The following SEC16B variants were observed in gnomAD, a reference collection of about 807,000 sequenced individuals.
SEC16B encodes protein transport protein Sec16B.
Under a neutral mutation model 141.8 loss-of-function variants are expected in SEC16B, and 115 were observed. The observed-to-expected ratio is 0.81, with a 90% CI of 0.70 to 0.95. SEC16B has a LOEUF of 0.95. Among genes scored for constraint, SEC16B ranks in the 40% least tolerant of loss-of-function variants. SEC16B has a pLI of 0.00. For synonymous variants in SEC16B, 493 were observed against 492.5 expected (o/e 1.00, Z -0.01); for missense variants, 1,291 against 1,312.3 (o/e 0.98, Z 0.25).
At chr1:177,937,565 C>T (rs1650949207) in intron 18 of SEC16B, 52 bp from the exon 19 acceptor site, 1 of 1,387,110 alleles carries the variant, frequency 7.2e-7, no homozygotes, top group East Asian at 2.5e-5. Context: ...GCGGCATTTG[C>T]ATACTGATCA....
At chr1:177,956,665 T>G (rs908120861) in intron 10 of SEC16B, among the ~76,000 whole-genome samples, 1 of 152,182 alleles carries the variant, frequency 6.6e-6, no homozygotes, top group African/African-American at 2.4e-5. Context: ...AAGCTAGAAA[T>G]CAATCTTCAT....
rs762159651 is a variant in SEC16B, at chr1:177,958,205, A to T, written c.1292T>A (p.Ile431Asn). ...SGTPNLLTGE[I>N]PPSVETPAQI... is the part of the protein sequence containing the mutation. ...CGCAGGTGTCTCCACACTGGGGGGG[A>T]TCTCTCCCGTGAGCAGGTTCGGGGT... The change falls in exon 10 of 26, where the codon ATC (isoleucine) becomes AAC (asparagine). Residue 431 changes from isoleucine (I) to asparagine (N), a missense_variant. Physicochemically the swap from Ile to Asn is moderately radical, Grantham distance 149. Around this residue, in one of 3 missense-constraint regions of SEC16B, gnomAD observed 681 missense variants for 675.5 expected, o/e 1.01. Transcript: ENST00000308284. The T allele has an allele frequency of 3.1e-6, 5 of 1,596,738 alleles. No individual in the cohort carries two copies. In the East Asian group the frequency reaches 1.1e-4, roughly 36 times the overall value.
chr1:177,973,916 G>A (rs1231395853), upstream of SEC16B, among the ~76,000 whole-genome samples: 2 of 152,078 alleles, frequency 1.3e-5, no homozygotes, highest in Non-Finnish European at 2.9e-5. Flanking sequence ...GCTGTTCAAG[G>A]CTATTCCATA....
intron 15 of SEC16B, among the ~76,000 whole-genome samples, chr1:177,942,776 A>G (rs1008008096): frequency 5.3e-5 from 8 of 152,142 alleles, no homozygotes; most frequent in Admixed American, 6.5e-5. Context: ...GCAGGGCAGG[A>G]TCAAGTGTGA....
In SEC16B at chr1:177,958,152, G is replaced by A. The variant is rs1162133932; in HGVS notation, c.1345C>T (p.Leu449Phe). The A allele has an allele frequency of 1.3e-6, 2 of 1,534,740 alleles. No homozygotes were observed. Among genetic ancestry groups the A allele is most frequent in the Non-Finnish European group, 1.8e-6 (2 of 1,136,816 alleles). The change falls in exon 10 of 26, where the codon CTC becomes TTC. Residue 449 changes from leucine (L) to phenylalanine (F), a missense_variant. By Grantham distance (22) the Leu-to-Phe change is conservative. Coordinates refer to ENST00000308284, the MANE Select transcript of SEC16B (RefSeq NM_033127.4). ...CTTGCCTTCTTCCTTCCATAGTAGA[G>A]CAGCCTAGTGAATTTCTCCACGATC... ...AQIVEKFTRL[L>F]YYGRKKEALE...
At chr1:177,957,569 A>G (rs1192957959) in intron 10 of SEC16B, among the ~76,000 whole-genome samples, 4 of 152,144 alleles carry the variant, frequency 2.6e-5, no homozygotes, top group African/African-American at 9.7e-5. Flanking sequence ...AAAAAATATG[A>G]GATATTTTGG....
rs1245781335 is a variant in SEC16B, at chr1:177,930,659, A to G, written c.3013-16T>C. The G allele has an allele frequency of 6.3e-7, 1 of 1,597,676 alleles. No homozygotes were observed. Among genetic ancestry groups the G allele is most frequent in the Non-Finnish European group, 8.6e-7 (1 of 1,166,234 alleles). On this transcript the variant is annotated splice_polypyrimidine_tract_variant and intron_variant, in intron 24 of 25. Transcript: ENST00000308284. ...AGGAAACACTCTGTGATGGAAAAGC[A>G]TGGAAAATCCCATCAGTGCCTGCCT...
At chr1:177,930,864 T>C (rs1352779225) in intron 24 of SEC16B, among the ~76,000 whole-genome samples, 1 of 151,970 alleles carries the variant, frequency 6.6e-6, no homozygotes, top group Non-Finnish European at 1.5e-5. Flanking sequence ...ATCAGGGAAA[T>C]GCAAATTAAA....
chr1:177,958,727 T>C (rs1013715392), intron 9 of SEC16B, 113 bp downstream of exon 9: 1 of 1,353,318 alleles, frequency 7.4e-7, no homozygotes, highest in South Asian at 1.5e-5. Flanking sequence ...TTGGGGCAAT[T>C]TGTGGCTTCT....
chr1:177,963,278 G>A (rs1653226863), intron 5 of SEC16B, among the ~76,000 whole-genome samples: 1 of 151,784 alleles, frequency 6.6e-6, no homozygotes, highest in African/African-American at 2.4e-5. Flanking sequence ...CCTAATAAGG[G>A]AGACAAGATT....
chr1:177,963,721 C>T (rs953085210), intron 5 of SEC16B, among the ~76,000 whole-genome samples: 2 of 152,158 alleles, frequency 1.3e-5, no homozygotes, highest in African/African-American at 4.8e-5. Context: ...CTGGCGCATA[C>T]AATAAGATTT....
chr1:177,977,785 A>T (rs1340299083), intron 1 of SEC16B, among the ~76,000 whole-genome samples: 2 of 152,160 alleles, frequency 1.3e-5, no homozygotes, highest in Non-Finnish European at 2.9e-5. Flanking sequence ...GAAAATAGAA[A>T]ATGAAACCTG....
At position 177,946,421 on chromosome 1, in the gene SEC16B, T is replaced by C. The variant is rs1340191991; in HGVS notation, c.1774A>G (p.Ser592Gly). The C allele has an allele frequency of 1.3e-6, 2 of 1,561,286 alleles. No homozygotes were observed. Among genetic ancestry groups the C allele is most frequent in the Admixed American group, 1.9e-5 (1 of 52,548 alleles). The change falls in exon 14 of 26, where the codon AGT becomes GGT. Residue 592 changes from serine (S) to glycine (G), a missense_variant and splice_region_variant. Ser to Gly is a moderately conservative substitution (Grantham distance 56). Around this residue, in one of 3 missense-constraint regions of SEC16B, gnomAD observed 605 missense variants for 614.1 expected, o/e 0.99. Transcript: ENST00000308284. The stretch of plus-strand genomic sequence containing the variant: ...TTTCCTTTCTCCCAGGTCGCATACC[T>C]GTGGCTGCTGCCCAGCAAGACCAGA... The part of the protein sequence containing the change: ...DHLVLLGSSH[S>G]QEFLKFATTE...
intron 10 of SEC16B, among the ~76,000 whole-genome samples, chr1:177,955,223 C>T (rs114892775): frequency 2.6e-5 from 4 of 152,108 alleles, no homozygotes; most frequent in African/African-American, 7.2e-5. Flanking sequence ...AGGCCCGGTG[C>T]GGTGGCTCAC....
At chr1:177,939,863 A>C (rs1283003473) in intron 17 of SEC16B, 86 bp from the exon 18 acceptor site, 4 of 1,114,772 alleles carry the variant, frequency 3.6e-6, no homozygotes, top group Non-Finnish European at 5.2e-6. Context: ...ACTTAAGCCA[A>C]AAAGAAACTT....
Position 177,930,533 on chromosome 1 carries a change from G to T in SEC16B, c.3111+12C>A. On this transcript the variant is annotated intron_variant, in intron 25 of 25. Transcript: ENST00000308284. ...ACTCCTGGCCAGCCCCTCCCCCTGA[G>T]GGCTTCCTTACCTGAGGCACCTGAG... The T allele has an allele frequency of 6.2e-7, 1 of 1,604,780 alleles. No individual in the cohort carries two copies. The highest frequency in any genetic ancestry group is 8.5e-7 in the Non-Finnish European group (1 of 1,172,384).
chr1:177,944,573 G>A lies in SEC16B; in HGVS notation c.1869C>T (p.Ile623=), dbSNP rs766421438. 1 of 1,613,560 alleles carries A rather than the reference G, an allele frequency of 6.2e-7. No individual in the cohort carries two copies. Among genetic ancestry groups the A allele is most frequent in the Non-Finnish European group, 8.5e-7 (1 of 1,179,576 alleles). The stretch of plus-strand genomic sequence containing the variant: ...TGGGCTCAGTTACCTGGAAAGAAGG[G>A]ATGAAGGATTTGGGGCGGCCCAGCA... ...CQMLGRPKSF[I]PSFQVYKLLY... The change falls in exon 15 of 26, where the codon ATC becomes ATT. Residue 623 remains isoleucine (I), a synonymous_variant. Transcript: ENST00000308284.
At chr1:177,947,103 G>A (rs1651772908) in intron 13 of SEC16B, among the ~76,000 whole-genome samples, 1 of 152,142 alleles carries the variant, frequency 6.6e-6, no homozygotes, top group African/African-American at 2.4e-5. Flanking sequence ...CACTCAGGGT[G>A]CTGCATGGCC....
Position 177,967,689 on chromosome 1 carries a change from T to C in SEC16B, c.293A>G (p.Tyr98Cys). ...YYEGGYRNQL[Y>C]SRPGYENSYQ... ...CCAAGCCCTAAAGCCATACCTTGAATACAACTGATTGCGATAACCACCTTC... is the reference window on the plus strand; with the variant it reads ...CCAAGCCCTAAAGCCATACCTTGAACACAACTGATTGCGATAACCACCTTC... Residue 98 changes from tyrosine to cysteine, a missense_variant, in exon 2 of 26, where the codon TAT (tyrosine) becomes TGT (cysteine). Physicochemically the swap from Tyr to Cys is radical, Grantham distance 194. This residue lies in a region of SEC16B where 681 missense variants were observed against 675.5 expected (regional missense o/e 1.01). Coordinates refer to ENST00000308284, the MANE Select transcript of SEC16B (RefSeq NM_033127.4). 1 of 1,596,344 alleles carries C rather than the reference T, an allele frequency of 6.3e-7. No individual in the cohort carries two copies. The highest frequency in any genetic ancestry group is 8.6e-7 in the Non-Finnish European group (1 of 1,168,448).
Sources: gnomAD v4.1 joint callset for allele counts (sites outside exome capture counted in the v4.1 genomes callset) on GRCh38, gnomAD v4.1.1 for gene constraint, gnomAD v4.1.1 regional missense constraint, MANE v1.5 for transcripts, NCBI Gene and HGNC (gene_info 2026-07-23, HGNC 2026-07-21) for gene names.